ARHGAP36: variants seen among roughly 807,000 people sequenced by gnomAD.
ARHGAP36 encodes rho GTPase-activating protein 36.
A neutral mutation model predicts 32.9 loss-of-function variants in ARHGAP36; 7 were observed. That is an observed-to-expected ratio of 0.21 (90% CI 0.12 to 0.40). The LOEUF (loss-of-function observed/expected upper bound fraction) is 0.40, where lower values mean the gene tolerates loss of function less well. Ranked by LOEUF, ARHGAP36 falls within the 10% of genes least tolerant of loss-of-function variation. The pLI, the probability that ARHGAP36 is intolerant of heterozygous loss-of-function variation, is 1.00. For missense variants in ARHGAP36, 383 were observed against 442.2 expected (o/e 0.87, Z 1.20); for synonymous variants, 165 against 168.3 (o/e 0.98, Z 0.15).
At chrX:131,072,487 C>G (rs2079738457) in intron 1 of ARHGAP36, among the ~76,000 whole-genome samples, 1 of 112,323 alleles carries the variant, frequency 8.9e-6, no homozygotes, top group African/African-American at 3.2e-5. Context: ...AGAAGGGAAG[C>G]AAAGTGCTGT....
At position 131,089,319 on chromosome X, in the gene ARHGAP36, C is replaced by T. The variant is rs3810726; in HGVS notation, c.*534C>T. On this transcript the variant is annotated 3_prime_UTR_variant, in exon 12 of 12. Transcript: ENST00000276211. ...TCACACCAACCCATAGCCGTGTCCA[C>T]GCAGCAACTCCACCACCTTAGGATT... 0.19 allele frequency: 21,361 copies of T among 112,272 alleles called. 2,022 individuals are homozygous for T. Among genetic ancestry groups the T allele is most frequent in the African/African-American group, 0.34 (10,517 of 30,609 alleles). 9.3% of individuals were successfully genotyped at this position (112,272 alleles called of 1,213,427 possible). A position where few individuals can be genotyped will look rare whatever the true frequency, so the allele number is the denominator to read the frequency against.
intron 1 of ARHGAP36, among the ~76,000 whole-genome samples, chrX:131,065,861 C>T (rs1349466092): frequency 1.8e-5 from 2 of 111,665 alleles, no homozygotes; most frequent in East Asian, 5.6e-4. Flanking sequence ...CAATTTAAAT[C>T]GTGCTTCTCA....
chrX:131,079,522 A>G (rs1445060240), intron 1 of ARHGAP36, among the ~76,000 whole-genome samples: 2 of 104,200 alleles, frequency 1.9e-5, no homozygotes, highest in Non-Finnish European at 3.9e-5. Context: ...AAATTCAAGT[A>G]TGGTTTATTT....
At position 131,058,460 on chromosome X, in the gene ARHGAP36, C is replaced by T. The variant is rs1603391852; in HGVS notation, c.-143+16C>T. The T allele has an allele frequency of 2.9e-6, 3 of 1,050,106 alleles. No individual in the cohort carries two copies. The highest frequency in any genetic ancestry group is 3.7e-6 in the Non-Finnish European group (3 of 811,342). The allele number at this position is 1,050,106 out of a possible 1,213,427, so 86.5% of individuals were successfully genotyped here. A position where few individuals can be genotyped will look rare whatever the true frequency, so the allele number is the denominator to read the frequency against. On this transcript the variant is annotated intron_variant, in intron 1 of 11. Coordinates refer to ENST00000276211, the MANE Select transcript of ARHGAP36 (RefSeq NM_144967.4). ...CCCCGCCGTGGTGAGTGGGGCCCAC[C>T]GAGTCGGGGGGCTGGGGTGCTCGGC...
At position 131,089,621 on chromosome X, in the gene ARHGAP36, G is replaced by A. The variant is rs550656142; in HGVS notation, c.*836G>A. On this transcript the variant is annotated 3_prime_UTR_variant, in exon 12 of 12. Coordinates refer to ENST00000276211, the MANE Select transcript of ARHGAP36 (RefSeq NM_144967.4). ...TTGATTACAAATGTTCTTAACTATC[G>A]TCTCTGTAATTCCTTTATACAGGAC... 9 of 112,979 alleles carry A rather than the reference G, an allele frequency of 8.0e-5. No homozygotes were observed. Among genetic ancestry groups the A allele is most frequent in the East Asian group, 2.8e-4 (1 of 3,575 alleles). 9.3% of individuals were successfully genotyped at this position (112,979 alleles called of 1,213,427 possible).
At chrX:131,084,516 T>C in intron 5 of ARHGAP36, 109 bp downstream of exon 5, 14 of 1,128,858 alleles carry the variant, frequency 1.2e-5, no homozygotes, top group Non-Finnish European at 1.7e-5. Flanking sequence ...TGGATAACAT[T>C]CCCCTGACAC....
intron 2 of ARHGAP36, among the ~76,000 whole-genome samples, chrX:131,082,894 G>A (rs2079811603): frequency 8.8e-6 from 1 of 113,370 alleles, no homozygotes; most frequent in Non-Finnish European, 1.9e-5. Flanking sequence ...GAGCGACTAC[G>A]GGTGCGTAGC....
intron 1 of ARHGAP36, among the ~76,000 whole-genome samples, chrX:131,077,934 A>G (rs1248531898): frequency 3.7e-5 from 4 of 109,151 alleles, no homozygotes; most frequent in Non-Finnish European, 7.6e-5. Context: ...TAAATTTTAT[A>G]AAATGTTTTT....
chrX:131,077,685 G>C (rs1198107272), intron 1 of ARHGAP36, among the ~76,000 whole-genome samples: 3 of 102,401 alleles, frequency 2.9e-5, no homozygotes, highest in African/African-American at 1.1e-4. Context: ...AACTTGATTT[G>C]TGCCTGTCCG....
intron 1 of ARHGAP36, among the ~76,000 whole-genome samples, chrX:131,061,416 CT>C (rs1488881820): frequency 5.4e-5 from 6 of 110,897 alleles, no homozygotes; most frequent in Non-Finnish European, 1.1e-4. Context: ...GAAAGGCCTT[CT>C]TTCCCAGGGA....
At chrX:131,068,312 G>A (rs2079712102) in intron 1 of ARHGAP36, among the ~76,000 whole-genome samples, 1 of 111,355 alleles carries the variant, frequency 9.0e-6, no homozygotes. Flanking sequence ...CGGAAGAGAA[G>A]GGGGCGAGGA....
chrX:131,063,513 A>G (rs930208763), intron 1 of ARHGAP36, among the ~76,000 whole-genome samples: 1 of 111,239 alleles, frequency 9.0e-6, no homozygotes, highest in African/African-American at 3.3e-5. Context: ...CCTCAGAGGG[A>G]CTCACTTGCA....
chrX:131,082,570 A>G (rs2079808553), intron 2 of ARHGAP36, among the ~76,000 whole-genome samples: 1 of 112,928 alleles, frequency 8.9e-6, no homozygotes, highest in Non-Finnish European at 1.9e-5. Flanking sequence ...CGCGCCCCAG[A>G]GGTATTGGAA....
chrX:131,086,503 T>TTA (rs754923453), intron 10 of ARHGAP36, 56 bp from the exon 11 acceptor site: 34 of 1,198,130 alleles, frequency 2.8e-5, no homozygotes, highest in Non-Finnish European at 3.8e-5. Flanking sequence ...CAGACTATCT[T>TTA]TATATTAAGT....
intron 1 of ARHGAP36, among the ~76,000 whole-genome samples, chrX:131,073,890 A>G (rs186982476): frequency 1.2e-3 from 133 of 111,598 alleles, no homozygotes; most frequent in Non-Finnish European, 1.8e-3. Flanking sequence ...TTTTAAAAAT[A>G]TGCTTATTTG....
Position 131,081,530 on chromosome X carries a change from C to A in ARHGAP36, c.-136C>A. 17 of 1,052,125 alleles carry A rather than the reference C, an allele frequency of 1.6e-5. No individual in the cohort carries two copies. Among genetic ancestry groups the A allele is most frequent in the East Asian group, 6.8e-5 (2 of 29,407 alleles). 86.7% of individuals were successfully genotyped at this position (1,052,125 alleles called of 1,213,427 possible). Reference sequence around the variant, plus strand: ...TTTTTTTTTTCTTTTTTAGCAAAAACAACCAGAGGCTGCTCTGCTTGAGGG... The same window carrying A: ...TTTTTTTTTTCTTTTTTAGCAAAAAAAACCAGAGGCTGCTCTGCTTGAGGG... On this transcript the variant is annotated 5_prime_UTR_variant, in exon 2 of 12. Transcript: ENST00000276211.
At position 131,085,042 on chromosome X, in the gene ARHGAP36, C is replaced by T; in HGVS notation, c.933C>T (p.Tyr311=). Residue 311 remains tyrosine, a synonymous_variant, in exon 7 of 12, where the codon TAC becomes TAT. Transcript: ENST00000276211. ...ATTCTCTGCTGCCAGATGATCTGTA[C>T]ATGTCATTCCTCCTGACAGCAAGTG... ...MKDSLLPDDL[Y]MSFLLTATLK... 1.7e-6 allele frequency: 2 copies of T among 1,209,928 alleles called. No individual in the cohort carries two copies. Among genetic ancestry groups the T allele is most frequent in the East Asian group, 3.0e-5 (1 of 33,813 alleles).
chrX:131,086,281 G>A (rs1360733302), intron 9 of ARHGAP36, 48 bp from the exon 10 acceptor site: 2 of 1,172,747 alleles, frequency 1.7e-6, no homozygotes, highest in East Asian at 5.9e-5. Context: ...GAGTATAAAT[G>A]AAAAGGTGCT....
At chrX:131,083,285 G>A (rs978185419) in intron 3 of ARHGAP36, 55 bp downstream of exon 3, 1 of 1,120,263 alleles carries the variant, frequency 8.9e-7, no homozygotes, top group African/African-American at 1.8e-5. Flanking sequence ...AACCCCCTGT[G>A]TAGTGTGGCC....
Sources: allele counts gnomAD v4.1 joint callset (sites outside exome capture counted in the v4.1 genomes callset), GRCh38; gene constraint gnomAD v4.1.1; transcripts MANE v1.5; gene names NCBI Gene and HGNC (gene_info 2026-07-23, HGNC 2026-07-21).